The following NPRL3 variants were observed in gnomAD, a reference collection of about 807,000 sequenced individuals.
NPRL3 encodes the protein NPR3 like, GATOR1 complex subunit, also known as GATOR1 complex protein NPRL3.
In NPRL3, 23 loss-of-function variants were observed where a neutral mutation model predicts 57.2. That is an observed-to-expected ratio of 0.40 (90% CI 0.29 to 0.57). The LOEUF is 0.57. Among genes scored for constraint, NPRL3 ranks in the 20% least tolerant of loss-of-function variants. The pLI is 0.42. For missense variants in NPRL3, 691 were observed against 767.1 expected (o/e 0.90, Z 1.17); for synonymous variants, 333 against 321.1 (o/e 1.04, Z -0.39).
At chr16:114,968 A>T (rs564586189) in intron 5 of NPRL3, among the ~76,000 whole-genome samples, 9 of 151,780 alleles carry the variant, frequency 5.9e-5, no homozygotes, top group Non-Finnish European at 1.3e-4. Context: ...GAGTAAAAAA[A>T]AAAAAGTGTA....
intron 9 of NPRL3, 121 bp from the exon 10 acceptor site, chr16:93,446 G>T: frequency 2.9e-6 from 2 of 691,348 alleles, no homozygotes; most frequent in East Asian, 5.4e-5. Flanking sequence ...CCAGCCTCAT[G>T]CAGAACACAC....
chr16:97,375 G>T (rs1363822298), intron 9 of NPRL3, among the ~76,000 whole-genome samples: 1 of 149,136 alleles, frequency 6.7e-6, no homozygotes, highest in Non-Finnish European at 1.5e-5. Context: ...CCCCCAAGTA[G>T]CTGGGACTAC....
At chr16:104,505 T>C (rs1899447340) in intron 7 of NPRL3, among the ~76,000 whole-genome samples, 1 of 152,172 alleles carries the variant, frequency 6.6e-6, no homozygotes, top group South Asian at 2.1e-4. Flanking sequence ...AGCTTGGTCA[T>C]CTCTGCTGCC....
At chr16:128,052 C>T (rs2541609) in intron 3 of NPRL3, among the ~76,000 whole-genome samples, 80,012 of 149,222 alleles carry the variant, frequency 0.54, 22,873 homozygotes, top group African/African-American at 0.73. Context: ...AGTGCAGTGG[C>T]GTGATCTCAG....
chr16:120,212 C>CT (rs1363993194), intron 3 of NPRL3, among the ~76,000 whole-genome samples: 1 of 152,190 alleles, frequency 6.6e-6, no homozygotes, highest in African/African-American at 2.4e-5. Flanking sequence ...AAAAATATAT[C>CT]TAATATCTAG....
intron 12 of NPRL3, chr16:89,500 C>T: frequency 5.8e-6 from 3 of 518,800 alleles, no homozygotes; most frequent in Non-Finnish European, 1.0e-5. Flanking sequence ...AGCAAGCCTG[C>T]TGAAGAGCCC....
chr16:127,887 C>T (rs2141976927), intron 3 of NPRL3, among the ~76,000 whole-genome samples: 1 of 151,808 alleles, frequency 6.6e-6, no homozygotes, highest in South Asian at 2.1e-4. Context: ...GATCTCCTGA[C>T]CTCATGATCC....
Position 100,970 on chromosome 16 carries a change from CA to C in NPRL3, c.630-462del, listed in dbSNP as rs59640237. ...TGGGCAACAAGGCAAGACTCTGTCT[CA>C]AAAAAAAAAAAAAAAAAAAGGAAGA... On this transcript the variant is annotated intron_variant, in intron 7 of 13. Transcript: ENST00000611875. 1.8e-3 allele frequency among the ~76,000 whole-genome samples: 66 copies of C among 36,120 alleles called. 1 individual carries two copies. The South Asian group carries it at 0.035, about 19-fold the overall frequency. 23.7% of individuals were successfully genotyped at this position (36,120 alleles called of 152,430 possible). A position where few individuals can be genotyped will look rare whatever the true frequency, so the allele number is the denominator to read the frequency against.
intron 7 of NPRL3, among the ~76,000 whole-genome samples, chr16:106,037 G>A (rs551864820): frequency 7.2e-5 from 11 of 152,344 alleles, no homozygotes; most frequent in Middle Eastern, 6.8e-3. Flanking sequence ...GGGACCGGAC[G>A]TGGTGGCTCA....
At chr16:113,089 C>A (rs76414092) in intron 5 of NPRL3, among the ~76,000 whole-genome samples, 1 of 52,732 alleles carries the variant, frequency 1.9e-5, no homozygotes, top group Non-Finnish European at 6.2e-5. Context: ...TAAGGAAGAA[C>A]AACAATGGTG....
In NPRL3 at chr16:86,479, T is replaced by G. The variant is rs1245461354; in HGVS notation, c.*226A>C. 5 of 547,956 alleles carry G rather than the reference T, an allele frequency of 9.1e-6. No homozygotes were observed. Among genetic ancestry groups the G allele is most frequent in the Non-Finnish European group, 1.6e-5 (5 of 305,916 alleles). 33.9% of individuals were successfully genotyped at this position (547,956 alleles called of 1,614,324 possible). On this transcript the variant is annotated 3_prime_UTR_variant, in exon 14 of 14. Transcript: ENST00000611875. ...AGATGCCTACGCGTGCGGCAAGGAC[T>G]GGAGGGAAGCGTAGGAACACAGAGG...
intron 9 of NPRL3, among the ~76,000 whole-genome samples, chr16:97,410 A>ATTTTTTTTTTTTTTTTTTTTTT (rs34410203): frequency 8.7e-6 from 1 of 115,086 alleles, no homozygotes; most frequent in Non-Finnish European, 1.7e-5. Context: ...ACACCCAGCT[A>ATTTTTTTTTTTTTTTTTTTTTT]TTTTTTTTTT....
intron 3 of NPRL3, among the ~76,000 whole-genome samples, chr16:123,141 G>A (rs1020061430): frequency 2.0e-5 from 3 of 152,100 alleles, no homozygotes; most frequent in South Asian, 2.1e-4. Flanking sequence ...TCTCTAGGGC[G>A]GCAGTGGACT....
chr16:126,420 TC>T (rs1900518605), intron 3 of NPRL3: 3 of 138,014 alleles, frequency 2.2e-5, no homozygotes, highest in Non-Finnish European at 3.1e-5. Context: ...AAACTACGTC[TC>T]AAAATAATAA....
chr16:101,859 A>G (rs1899313522), intron 7 of NPRL3, among the ~76,000 whole-genome samples: 1 of 152,178 alleles, frequency 6.6e-6, no homozygotes, highest in African/African-American at 2.4e-5. Context: ...CTCAAGTGTC[A>G]CATTCTCAGT....
intron 2 of NPRL3, among the ~76,000 whole-genome samples, chr16:133,286 C>T (rs182731217): frequency 4.6e-5 from 7 of 152,244 alleles, no homozygotes; most frequent in African/African-American, 2.4e-5. Context: ...AGTGCAATGT[C>T]GGATCTCAGC....
intron 2 of NPRL3, among the ~76,000 whole-genome samples, chr16:135,545 G>C (rs560808058): frequency 6.8e-6 from 1 of 148,006 alleles, no homozygotes; most frequent in Non-Finnish European, 1.5e-5. Flanking sequence ...GGAAGCAGAG[G>C]TTGCAGTGAG....
Position 131,207 on chromosome 16 carries a change from C to T in NPRL3, c.119-616G>A, listed in dbSNP as rs375934787. Among the ~76,000 whole-genome samples the T allele has an allele frequency of 3.0e-3, 459 of 152,118 alleles. 2 individuals carry two copies. The highest frequency in any genetic ancestry group is 0.01 in the African/African-American group (429 of 41,512). On this transcript the variant is annotated intron_variant, in intron 2 of 13. Transcript: ENST00000611875. ...AAAATTAGCCGGGCATGGCTGAGCG[C>T]GGTGGTTCACGCCTGTAATCCCAGC...
intron 7 of NPRL3, among the ~76,000 whole-genome samples, chr16:103,629 G>A (rs537997899): frequency 6.6e-6 from 1 of 152,224 alleles, no homozygotes; most frequent in South Asian, 2.1e-4. Flanking sequence ...GTGCAGCAGG[G>A]AAGAAAATAA....
Sources: gnomAD v4.1 joint callset for allele counts (sites outside exome capture counted in the v4.1 genomes callset) on GRCh38, gnomAD v4.1.1 for gene constraint, MANE v1.5 for transcripts, NCBI Gene and HGNC (gene_info 2026-07-23, HGNC 2026-07-21) for gene names.